Variants in KCTD14 observed in about 807,000 individuals in gnomAD.
KCTD14 encodes the protein potassium channel tetramerization domain containing 14.
In KCTD14, 7 loss-of-function variants were observed where a neutral mutation model predicts 5.9. The observed-to-expected ratio is 1.19, with a 90% CI of 0.68 to 2.23. The LOEUF is 2.23. Among genes scored for constraint, KCTD14 ranks in the 30% most tolerant of loss-of-function variants. The pLI is 0.00. For synonymous variants in KCTD14, 140 were observed against 133.1 expected, an observed-to-expected ratio of 1.05 and a Z score of -0.36; for missense variants, 342 against 332.2, an observed-to-expected ratio of 1.03 and a Z score of -0.23.
chr11:78,021,069 A>G (rs1305913881), intron 1 of KCTD14, among the ~76,000 whole-genome samples: 1 of 152,018 alleles, frequency 6.6e-6, no homozygotes, highest in African/African-American at 2.4e-5. Flanking sequence ...TTGGGAGGCC[A>G]AGGTGGGAGG....
At position 78,038,525 on chromosome 11, in the gene KCTD14, C is replaced by T. The variant is rs144944209; in HGVS notation, c.-1+139G>A. 1.3e-3 allele frequency: 1,265 copies of T among 971,614 alleles called. 13 individuals are homozygous for T. Among genetic ancestry groups the T allele is most frequent in the African/African-American group, 0.013 (800 of 61,666 alleles). The allele number at this position is 971,614 out of a possible 1,614,324, so 60.2% of individuals were successfully genotyped here. ...CTTGGGTTCCTGGAGAGGAATCAAC[C>T]GCACCCCATCTGGCTCCCCGCTCAC... On this transcript the variant is annotated intron_variant, in intron 2 of 2. Coordinates refer to the KCTD14 transcript ENST00000533144.
rs748284357 is a variant in KCTD14 at position 78,016,989 on chromosome 11, G to A, written c.372C>T (p.Asp124=). 6.2e-7 allele frequency: 1 copy of A among 1,614,218 alleles called. No homozygotes were observed. The highest frequency in any genetic ancestry group is 8.5e-7 in the Non-Finnish European group (1 of 1,180,048). ...EIKPLVKLLE[D]MPQIFGEQVS... Reference sequence around the variant, plus strand: ...CCTGCTCACCAAAGATCTGTGGCATGTCCTCCAGCAGCTTGACCAAAGGCT... The same window carrying A: ...CCTGCTCACCAAAGATCTGTGGCATATCCTCCAGCAGCTTGACCAAAGGCT... Residue 124 remains aspartate (D), a synonymous_variant, in exon 2 of 2, where the codon GAC becomes GAT. Transcript: ENST00000353172.
At chr11:78,037,670 T>G (rs1285733445) in intron 2 of KCTD14, among the ~76,000 whole-genome samples, 1 of 151,948 alleles carries the variant, frequency 6.6e-6, no homozygotes, top group Non-Finnish European at 1.5e-5. Flanking sequence ...AATACAAAAA[T>G]TAGCCGGGTG....
In KCTD14 at chr11:78,016,266, T is replaced by G. The variant is rs1857160675; in HGVS notation, c.*327A>C. ...CAGAACATCTAGATTCACAGTATCTTGTATGTTCCTGTTGTCATCTCACAT... is the reference window on the plus strand; with the variant it reads ...CAGAACATCTAGATTCACAGTATCTGGTATGTTCCTGTTGTCATCTCACAT... On this transcript the variant is annotated 3_prime_UTR_variant, in exon 2 of 2. Coordinates refer to ENST00000353172, the MANE Select transcript of KCTD14 (RefSeq NM_023930.4). 8.7e-6 allele frequency: 3 copies of G among 344,548 alleles called. No individual in the cohort carries two copies. Among genetic ancestry groups the G allele is most frequent in the East Asian group, 6.7e-5 (1 of 15,020 alleles). The allele number at this position is 344,548 out of a possible 1,614,324, so 21.3% of individuals were successfully genotyped here.
upstream of KCTD14, among the ~76,000 whole-genome samples, chr11:78,024,554 G>A (rs1290059921): frequency 4.0e-5 from 6 of 151,520 alleles, no homozygotes; most frequent in African/African-American, 7.3e-5. Flanking sequence ...TATGTTAGTT[G>A]GCTGCTTGTG....
At chr11:78,018,320 C>T (rs150543920) in intron 1 of KCTD14, among the ~76,000 whole-genome samples, 1,527 of 152,264 alleles carry the variant, frequency 0.01, 25 homozygotes, top group African/African-American at 0.034. Context: ...GCAGGAGGAT[C>T]ACTTGTGGCC....
intron 1 of KCTD14, among the ~76,000 whole-genome samples, chr11:78,019,494 T>G (rs1320761272): frequency 1.3e-5 from 2 of 151,892 alleles, no homozygotes. Flanking sequence ...TGTAAAAAAA[T>G]TTTTTTAGAG....
intron 2 of KCTD14, among the ~76,000 whole-genome samples, chr11:78,028,513 G>T (rs1857527792): frequency 6.6e-6 from 1 of 150,664 alleles, no homozygotes; most frequent in Non-Finnish European, 1.5e-5. Context: ...TGAAGCAGGA[G>T]AATTGCTTGA....
intron 1 of KCTD14, among the ~76,000 whole-genome samples, chr11:78,045,528 G>C (rs1858110673): frequency 6.6e-6 from 1 of 152,120 alleles, no homozygotes; most frequent in Admixed American, 6.6e-5. Context: ...TCTTTCATTA[G>C]CTTTACAAAG....
intron 1 of KCTD14, among the ~76,000 whole-genome samples, chr11:78,018,748 AGTT>A (rs1177445620): frequency 1.3e-5 from 2 of 151,940 alleles, no homozygotes; most frequent in Non-Finnish European, 2.9e-5. Flanking sequence ...GGGGACGTGG[AGTT>A]GTTATGAAGT....
chr11:78,045,664 G>A (rs955364188), intron 1 of KCTD14, among the ~76,000 whole-genome samples: 3 of 152,158 alleles, frequency 2.0e-5, no homozygotes, highest in Admixed American at 2.0e-4. Context: ...GATGAGGGTT[G>A]GTTAGATCAG....
intron 2 of KCTD14, among the ~76,000 whole-genome samples, chr11:78,029,830 G>A (rs1215970197): frequency 1.3e-5 from 2 of 149,588 alleles, no homozygotes; most frequent in Non-Finnish European, 3.0e-5. Context: ...CCCCCAGGCT[G>A]GAGTGCAGTA....
upstream of KCTD14, among the ~76,000 whole-genome samples, chr11:78,026,372 G>A (rs1308541149): frequency 1.3e-5 from 2 of 152,098 alleles, no homozygotes; most frequent in East Asian, 1.9e-4. Context: ...GAACCCGGGA[G>A]GCAGAGGTTG....
At chr11:78,037,991 CAAAA>C (rs3083632) in intron 2 of KCTD14, among the ~76,000 whole-genome samples, 3 of 136,594 alleles carry the variant, frequency 2.2e-5, no homozygotes, top group African/African-American at 2.8e-5. Context: ...AAAAGTTGAC[CAAAA>C]AAAAAAAAAA....
At chr11:78,038,893 C>T (rs757709893) in intron 1 of KCTD14, 101 of 1,002,076 alleles carry the variant, frequency 1.0e-4, no homozygotes, top group Non-Finnish European at 1.4e-4. Context: ...GCTGTGGTCA[C>T]GGTCAGGCCC....
chr11:78,030,874 C>T lies in KCTD14; in HGVS notation c.-1+7790G>A, dbSNP rs1019366126. ...TGTGAGTCCTGCAGAGAAGGAGACC[C>T]CTGCCAACCCACAAGGACCCTCTTC... On this transcript the variant is annotated intron_variant, in intron 2 of 2. Coordinates refer to the KCTD14 transcript ENST00000533144. Among the ~76,000 whole-genome samples, 29 of 152,066 alleles carry T rather than the reference C, an allele frequency of 1.9e-4. 1 individual carries two copies. The highest frequency in any genetic ancestry group is 1.0e-4 in the Non-Finnish European group (7 of 68,022).
At chr11:78,027,926 C>T (rs183177521), upstream of KCTD14, among the ~76,000 whole-genome samples, 4 of 152,158 alleles carry the variant, frequency 2.6e-5, no homozygotes, top group African/African-American at 9.6e-5. Flanking sequence ...CTTAAGGTCT[C>T]TGTTTTGATG....
At chr11:78,046,012 G>C (rs951163960) in intron 1 of KCTD14, 2 of 780,676 alleles carry the variant, frequency 2.6e-6, no homozygotes, top group African/African-American at 3.8e-5. Flanking sequence ...CTCAGGAGGG[G>C]AGCGTTTGCC....
chr11:78,034,311 C>T (rs892306646), intron 2 of KCTD14, among the ~76,000 whole-genome samples: 10 of 152,096 alleles, frequency 6.6e-5, no homozygotes, highest in Non-Finnish European at 1.2e-4. Flanking sequence ...TTTGTAGAGA[C>T]GAGAACTTCC....
Sources: gnomAD v4.1 joint callset for allele counts (sites outside exome capture counted in the v4.1 genomes callset) on GRCh38, gnomAD v4.1.1 for gene constraint, MANE v1.5 for transcripts, NCBI Gene and HGNC (gene_info 2026-07-23, HGNC 2026-07-21) for gene names.